The following PCDHA7 variants were observed in gnomAD, a reference collection of about 807,000 sequenced individuals.
PCDHA7 encodes protocadherin alpha-7.
PCDHA7 carries 37 observed loss-of-function variants against 57.2 expected under a neutral mutation model. The observed-to-expected ratio is 0.65, with a 90% CI of 0.50 to 0.85. The LOEUF is 0.85. Among genes scored for constraint, PCDHA7 ranks in the 40% least tolerant of loss-of-function variants. The probability of loss-of-function intolerance (pLI) is 0.00; values close to 1 mark genes in which losing one functional copy is unlikely to be tolerated. For missense variants in PCDHA7, 1,188 were observed against 1,241.8 expected (o/e 0.96, Z 0.65); for synonymous variants, 553 against 558.8 (o/e 0.99, Z 0.15).
rs2150283763 is a variant in PCDHA7, at chr5:140,838,077, AGTGTGTGTGTGT to A, written c.2355+1382_2355+1393del. On this transcript the variant is annotated intron_variant, in intron 1 of 3. Coordinates refer to ENST00000525929, the MANE Select transcript of PCDHA7 (RefSeq NM_018910.3). ...TTTCCACTTTAAGTTATATATATAT[AGTGTGTGTGTGT>A]GTGTGTGTGTGTGTGTGTGTGTGTG... Among the ~76,000 whole-genome samples, 482 of 80,690 alleles carry A rather than the reference AGTGTGTGTGTGT, an allele frequency of 6.0e-3. 2 individuals are homozygous for A. Among genetic ancestry groups the A allele is most frequent in the East Asian group, 0.019 (58 of 3,058 alleles). 52.9% of individuals were successfully genotyped at this position (80,690 alleles called of 152,430 possible).
intron 2 of PCDHA7, among the ~76,000 whole-genome samples, chr5:140,980,790 T>G (rs557225636): frequency 5.3e-4 from 80 of 152,312 alleles, no homozygotes; most frequent in African/African-American, 1.9e-3. Flanking sequence ...TGCCATTTCT[T>G]TTTTGCATTG....
chr5:140,849,995 C>A lies in PCDHA7; in HGVS notation c.2355+13257C>A, dbSNP rs2150462177. ...ACTCGCTGGTGGAGCGGCGGTTGGG[C>A]GAGCGCTCGCTGTCGAGCTACGTGT... On this transcript the variant is annotated intron_variant, in intron 1 of 3. Transcript: ENST00000525929. 5.0e-6 allele frequency: 8 copies of A among 1,597,088 alleles called. 1 individual carries two copies. The East Asian group carries it at 1.3e-4, about 27-fold the overall frequency.
rs374659815 is a variant in PCDHA7 at position 140,871,353 on chromosome 5, G to A, written c.2355+34615G>A. 3.6e-5 allele frequency: 58 copies of A among 1,614,214 alleles called. No homozygotes were observed. The African/African-American group carries it at 5.1e-4, about 14-fold the overall frequency. ...GCGCGGTGGGGAGCTGGTCATACTC[G>A]CAGCAGAGGCGGCAGAGGGTGTGCT... On this transcript the variant is annotated intron_variant, in intron 1 of 3. Coordinates refer to ENST00000525929, the MANE Select transcript of PCDHA7 (RefSeq NM_018910.3).
In PCDHA7 at chr5:140,841,904, G is replaced by C. The variant is rs2150325203; in HGVS notation, c.2355+5166G>C. On this transcript the variant is annotated intron_variant, in intron 1 of 3. Coordinates refer to ENST00000525929, the MANE Select transcript of PCDHA7 (RefSeq NM_018910.3). ...CGATGAGAATAAACTGGTTGAGCTCGTATTAAGAAAATCCTTGGACAGAGA... is the reference window on the plus strand; with the variant it reads ...CGATGAGAATAAACTGGTTGAGCTCCTATTAAGAAAATCCTTGGACAGAGA... 40 of 1,613,742 alleles carry C rather than the reference G, an allele frequency of 2.5e-5. 1 individual carries two copies. Among genetic ancestry groups the C allele is most frequent in the Non-Finnish European group, 3.2e-5 (38 of 1,179,858 alleles).
intron 3 of PCDHA7, among the ~76,000 whole-genome samples, chr5:140,996,100 G>A (rs1554255000): frequency 1.3e-5 from 2 of 152,190 alleles, no homozygotes; most frequent in Non-Finnish European, 2.9e-5. Flanking sequence ...TACATGGAAT[G>A]GTATGGAAGT....
rs145079458 is a variant in PCDHA7, at chr5:140,855,999, T to C, written c.2355+19261T>C. 135 of 1,513,714 alleles carry C rather than the reference T, an allele frequency of 8.9e-5. 2 individuals are homozygous for C. The East Asian group carries it at 2.5e-3, about 28-fold the overall frequency. 93.8% of individuals were successfully genotyped at this position (1,513,714 alleles called of 1,614,324 possible). On this transcript the variant is annotated intron_variant, in intron 1 of 3. Transcript: ENST00000525929. ...AGGACAGAAAATGTCAGATCGTATG[T>C]GCGTTCTAGACCGCTGATTCGTCGA... is the stretch of plus-strand genomic sequence containing the variant.
At position 140,957,560 on chromosome 5, in the gene PCDHA7, G is replaced by A. The variant is rs940495695; in HGVS notation, c.2356-21389G>A. ...TTAGAAAGTATTCTCTGTGGAAAAGGAGGGACTACTGTACTTTTAACAAAG... is the reference window on the plus strand; with the variant it reads ...TTAGAAAGTATTCTCTGTGGAAAAGAAGGGACTACTGTACTTTTAACAAAG... On this transcript the variant is annotated intron_variant, in intron 1 of 3. Transcript: ENST00000525929. 2.0e-5 allele frequency among the ~76,000 whole-genome samples: 3 copies of A among 152,074 alleles called. No homozygotes were observed. In the East Asian group the frequency reaches 5.8e-4, roughly 29 times the overall value.
intron 1 of PCDHA7, among the ~76,000 whole-genome samples, chr5:140,875,118 A>T (rs1381092384): frequency 6.6e-6 from 1 of 152,224 alleles, no homozygotes; most frequent in African/African-American, 2.4e-5. Context: ...TATCATGTAT[A>T]TTAACTAAAC....
At chr5:140,863,351 C>A in intron 1 of PCDHA7, 1 of 1,288,682 alleles carries the variant, frequency 7.8e-7, no homozygotes, top group Non-Finnish European at 1.1e-6. Flanking sequence ...CTGTACACGA[C>A]GCTGCGGTGC....
intron 1 of PCDHA7, among the ~76,000 whole-genome samples, chr5:140,956,034 A>C (rs1274584028): frequency 1.3e-5 from 2 of 152,200 alleles, no homozygotes; most frequent in Non-Finnish European, 2.9e-5. Flanking sequence ...TTATCAGCTT[A>C]AGAAGCTTTT....
At chr5:140,960,273 C>T (rs1490527862) in intron 1 of PCDHA7, among the ~76,000 whole-genome samples, 1 of 152,148 alleles carries the variant, frequency 6.6e-6, no homozygotes, top group Non-Finnish European at 1.5e-5. Context: ...AATTCCGTCA[C>T]CTTTTTGGGA....
chr5:140,981,985 G>C (rs1554243637), intron 2 of PCDHA7, among the ~76,000 whole-genome samples: 1 of 152,162 alleles, frequency 6.6e-6, no homozygotes, highest in Non-Finnish European at 1.5e-5. Context: ...GAGTAAAATA[G>C]AAAATAAGGT....
intron 1 of PCDHA7, among the ~76,000 whole-genome samples, chr5:140,964,804 G>A (rs1484818069): frequency 6.6e-6 from 1 of 152,012 alleles, no homozygotes; most frequent in African/African-American, 2.4e-5. Context: ...CAAGAAAGGA[G>A]ACAGGAATAG....
At chr5:140,874,881 C>T (rs1316593398) in intron 1 of PCDHA7, among the ~76,000 whole-genome samples, 3 of 152,102 alleles carry the variant, frequency 2.0e-5, no homozygotes, top group Non-Finnish European at 2.9e-5. Context: ...AATACAAATT[C>T]CTAACTTTCT....
chr5:140,852,761 C>T (rs17119246), intron 1 of PCDHA7: 72,639 of 982,874 alleles, frequency 0.074, 8,920 homozygotes, highest in African/African-American at 0.25. Flanking sequence ...ACCCAGGTAT[C>T]TGATTATTTG....
rs1291413682 is a variant in PCDHA7, at chr5:140,856,005, C to G, written c.2355+19267C>G. ...GAAAATGTCAGATCGTATGTGCGTT[C>G]TAGACCGCTGATTCGTCGATTTGTA... is the stretch of plus-strand genomic sequence containing the variant. On this transcript the variant is annotated intron_variant, in intron 1 of 3. Coordinates refer to ENST00000525929, the MANE Select transcript of PCDHA7 (RefSeq NM_018910.3). 6.5e-6 allele frequency: 10 copies of G among 1,538,764 alleles called. 3 individuals carry two copies. In the African/African-American group the frequency reaches 1.4e-4, roughly 21 times the overall value.
At chr5:140,856,459 A>G (rs566691333) in intron 1 of PCDHA7, 2 of 1,598,380 alleles carry the variant, frequency 1.3e-6, no homozygotes, top group South Asian at 2.2e-5. Flanking sequence ...TAACAGAACA[A>G]AAGCTCTCAA....
At chr5:140,846,790 C>T (rs1780677178) in intron 1 of PCDHA7, among the ~76,000 whole-genome samples, 1 of 149,194 alleles carries the variant, frequency 6.7e-6, no homozygotes, top group Non-Finnish European at 1.5e-5. Context: ...ATTACTGAGC[C>T]CCAGCCCCTG....
chr5:140,876,378 T>A, intron 1 of PCDHA7: 1 of 1,613,948 alleles, frequency 6.2e-7, no homozygotes, highest in Non-Finnish European at 8.5e-7. Context: ...CAGGTGAAAT[T>A]AGAATTTATG....
Sources: gnomAD v4.1 joint callset for allele counts (sites outside exome capture counted in the v4.1 genomes callset) on GRCh38, gnomAD v4.1.1 for gene constraint, MANE v1.5 for transcripts, NCBI Gene and HGNC (gene_info 2026-07-23, HGNC 2026-07-21) for gene names.